Variants in COL4A5 observed in about 807,000 individuals in gnomAD.
COL4A5 encodes the protein collagen type IV alpha 5 chain.
COL4A5 carries 26 observed loss-of-function variants against 130.2 expected under a neutral mutation model. The observed-to-expected ratio is 0.20, with a 90% CI of 0.15 to 0.28. COL4A5 has a LOEUF of 0.28. Ranked by LOEUF, COL4A5 falls within the 10% of genes least tolerant of loss-of-function variation. The pLI is 1.00. For missense variants in COL4A5, 1,131 were observed against 1,344.3 expected, an observed-to-expected ratio of 0.84 and a Z score of 2.48; for synonymous variants, 496 against 439.6, an observed-to-expected ratio of 1.13 and a Z score of -1.60.
At chrX:108,692,725 G>A (rs765003064) in intron 49 of COL4A5, 23 bp from the exon 50 acceptor site, 13 of 1,206,550 alleles carry the variant, frequency 1.1e-5, no homozygotes, top group Non-Finnish European at 1.5e-5. Context: ...GTCCTTTACT[G>A]TTTTCTCTCC....
chrX:108,529,952 A>G (rs1181836137), intron 1 of COL4A5, among the ~76,000 whole-genome samples: 1 of 111,567 alleles, frequency 9.0e-6, no homozygotes, highest in East Asian at 2.8e-4. Flanking sequence ...AATACAATCA[A>G]AGTGGGGGTT....
intron 29 of COL4A5, among the ~76,000 whole-genome samples, chrX:108,609,721 T>G (rs2147839217): frequency 8.9e-6 from 1 of 111,981 alleles, no homozygotes; most frequent in Non-Finnish European, 1.9e-5. Flanking sequence ...TTTCTATGTT[T>G]AAAACTATTA....
intron 1 of COL4A5, among the ~76,000 whole-genome samples, chrX:108,467,425 G>A (rs1365036639): frequency 8.9e-6 from 1 of 111,872 alleles, no homozygotes; most frequent in Admixed American, 9.5e-5. Context: ...TTTGAAATCA[G>A]AAAGTGTGTG....
chrX:108,461,786 G>A lies in COL4A5; in HGVS notation c.81+21580G>A, dbSNP rs920006568. Reference sequence around the variant, plus strand: ...TTTTTTGTATCTTTAGTAGAGACAGGTTTTCACCATGTTGGCTAGGCTGGT... The same window carrying A: ...TTTTTTGTATCTTTAGTAGAGACAGATTTTCACCATGTTGGCTAGGCTGGT... On this transcript the variant is annotated intron_variant, in intron 1 of 52. Coordinates refer to ENST00000328300, the MANE Select transcript of COL4A5 (RefSeq NM_033380.3). 3.6e-5 allele frequency among the ~76,000 whole-genome samples: 4 copies of A among 111,119 alleles called. No individual in the cohort carries two copies. In the East Asian group the frequency reaches 1.1e-3, roughly 31 times the overall value.
chrX:108,644,917 AAC>A (rs1491252124), intron 36 of COL4A5, among the ~76,000 whole-genome samples: 1 of 94,984 alleles, frequency 1.1e-5, no homozygotes, highest in African/African-American at 4.6e-5. Flanking sequence ...CAACAACAAC[AAC>A]AAAAAAAAAA....
chrX:108,526,049 G>C lies in COL4A5; in HGVS notation c.82-13697G>C, dbSNP rs192009926. 3.5e-3 allele frequency among the ~76,000 whole-genome samples: 395 copies of C among 111,515 alleles called. 1 individual carries two copies. Among genetic ancestry groups the C allele is most frequent in the Non-Finnish European group, 5.0e-3 (267 of 53,068 alleles). On this transcript the variant is annotated intron_variant, in intron 1 of 52. Transcript: ENST00000328300. ...AAGAACTCTCAGCTACTCTCACTTG[G>C]AACAGAGCTTCTATAACAGGACACA...
At chrX:108,563,607 C>G (rs1051611098) in intron 3 of COL4A5, among the ~76,000 whole-genome samples, 1 of 111,346 alleles carries the variant, frequency 9.0e-6, no homozygotes, top group Non-Finnish European at 1.9e-5. Context: ...TCTTTGTTTT[C>G]TTGTATGATT....
intron 1 of COL4A5, among the ~76,000 whole-genome samples, chrX:108,511,297 T>C (rs1236528978): frequency 8.9e-6 from 1 of 111,845 alleles, no homozygotes; most frequent in Non-Finnish European, 1.9e-5. Context: ...TATATATTAA[T>C]ACATATTGAT....
At chrX:108,462,869 G>C (rs2064667007) in intron 1 of COL4A5, 1 of 112,398 alleles carries the variant, frequency 8.9e-6, no homozygotes, top group Non-Finnish European at 1.9e-5. Context: ...ATAATGGAGA[G>C]GAGTCATCTT....
intron 1 of COL4A5, among the ~76,000 whole-genome samples, chrX:108,510,251 C>T (rs1207741750): frequency 9.0e-6 from 1 of 111,107 alleles, no homozygotes; most frequent in Non-Finnish European, 1.9e-5. Context: ...AACAAACCCC[C>T]GTGACAAGAC....
At chrX:108,667,866 G>C (rs188570538) in intron 40 of COL4A5, among the ~76,000 whole-genome samples, 3 of 111,091 alleles carry the variant, frequency 2.7e-5, no homozygotes, top group Non-Finnish European at 1.9e-5. Context: ...TTTGCTAGAC[G>C]GTGATTATAA....
Position 108,517,456 on chromosome X carries a change from A to G in COL4A5, c.82-22290A>G, listed in dbSNP as rs775353668. ...TAATCCATTACTCATTTGAGTTTGC[A>G]TCATTGAATTTTCTTTATCAAGGAC... On this transcript the variant is annotated intron_variant, in intron 1 of 52. Coordinates refer to ENST00000328300, the MANE Select transcript of COL4A5 (RefSeq NM_033380.3). Among the ~76,000 whole-genome samples, 3 of 111,874 alleles carry G rather than the reference A, an allele frequency of 2.7e-5. No homozygotes were observed. The East Asian group carries it at 8.4e-4, about 31-fold the overall frequency.
intron 1 of COL4A5, among the ~76,000 whole-genome samples, chrX:108,524,024 T>C (rs748379359): frequency 1.8e-5 from 2 of 111,863 alleles, no homozygotes; most frequent in South Asian, 7.5e-4. Context: ...TACTTCCTTC[T>C]TTTTGATATG....
At chrX:108,446,124 A>T (rs1290119282) in intron 1 of COL4A5, among the ~76,000 whole-genome samples, 1 of 111,431 alleles carries the variant, frequency 9.0e-6, no homozygotes, top group East Asian at 2.8e-4. Context: ...ATACTAAAAA[A>T]CCTGATTAAA....
chrX:108,501,102 G>A (rs2065075894), intron 1 of COL4A5, among the ~76,000 whole-genome samples: 1 of 111,729 alleles, frequency 9.0e-6, no homozygotes, highest in African/African-American at 3.3e-5. Context: ...GGGATTCTGT[G>A]AGGGATTAAA....
intron 8 of COL4A5, 114 bp from the exon 9 acceptor site, chrX:108,573,460 T>C: frequency 5.2e-6 from 3 of 580,970 alleles, no homozygotes. Context: ...TGAGATGGCC[T>C]AATCTTTTAG....
At chrX:108,563,520 A>G (rs1037943814) in intron 3 of COL4A5, among the ~76,000 whole-genome samples, 5 of 112,094 alleles carry the variant, frequency 4.5e-5, no homozygotes. Context: ...TTAACATAAT[A>G]TGGGAACTGC....
At chrX:108,568,456 A>G (rs760650394) in intron 4 of COL4A5, among the ~76,000 whole-genome samples, 173 bp from the exon 5 acceptor site, 24 of 112,175 alleles carry the variant, frequency 2.1e-4, no homozygotes, top group African/African-American at 6.8e-4. Context: ...AGACTTTTAA[A>G]CACATGTAAG....
intron 44 of COL4A5, among the ~76,000 whole-genome samples, chrX:108,678,856 C>A (rs1363259252): frequency 2.7e-5 from 3 of 111,983 alleles, no homozygotes; most frequent in African/African-American, 9.7e-5. Context: ...CAGGCCAAGT[C>A]ATGTTTTGCA....
Sources: gnomAD v4.1 joint callset for allele counts (sites outside exome capture counted in the v4.1 genomes callset) on GRCh38, gnomAD v4.1.1 for gene constraint, MANE v1.5 for transcripts, NCBI Gene and HGNC (gene_info 2026-07-23, HGNC 2026-07-21) for gene names.